Variants in GADL1 observed in about 807,000 individuals in gnomAD.
The protein encoded by GADL1 is acidic amino acid decarboxylase GADL1.
In GADL1, 71 loss-of-function variants were observed where a neutral mutation model predicts 69.5. The ratio of observed to expected loss-of-function variants is 1.02; its 90% confidence interval spans 0.84 to 1.25. GADL1 has a LOEUF of 1.25. Among genes scored for constraint, GADL1 ranks in the 50% most tolerant of loss-of-function variants. The pLI, the probability that GADL1 is intolerant of heterozygous loss-of-function variation, is 0.00. For missense variants in GADL1, 737 were observed against 631.8 expected (o/e 1.17, Z -1.79); for synonymous variants, 254 against 214.4 (o/e 1.18, Z -1.62).
chr3:30,736,220 A>G (rs1041735538), intron 14 of GADL1, among the ~76,000 whole-genome samples: 1 of 152,210 alleles, frequency 6.6e-6, no homozygotes, highest in Middle Eastern at 3.4e-3. Context: ...CATGGCCATA[A>G]GTGTCCCAGT....
At position 30,822,810 on chromosome 3, in the gene GADL1, C is replaced by A. The variant is rs1393747; in HGVS notation, c.1050+11043G>T. 9.4e-3 allele frequency among the ~76,000 whole-genome samples: 1,430 copies of A among 152,102 alleles called. 81 individuals are homozygous for A. The East Asian group carries it at 0.19, about 20-fold the overall frequency. ...CATTCTCCAACTCCTGCTTTTTAAT[C>A]ATTACATAACTAAATAATAGCATAT... On this transcript the variant is annotated intron_variant, in intron 11 of 14. Transcript: ENST00000282538.
At chr3:30,803,098 A>C (rs960922272) in intron 11 of GADL1, among the ~76,000 whole-genome samples, 2 of 152,208 alleles carry the variant, frequency 1.3e-5, no homozygotes, top group South Asian at 4.1e-4. Context: ...TCTCTAGAAT[A>C]ATAAGAAAAA....
At chr3:30,849,418 G>A (rs80205152) in intron 6 of GADL1, among the ~76,000 whole-genome samples, 2,909 of 152,270 alleles carry the variant, frequency 0.019, 85 homozygotes, top group African/African-American at 0.056. Context: ...CAGACAGTAA[G>A]TGACAGAGGC....
chr3:30,775,541 CAG>C (rs1212760001), intron 14 of GADL1, among the ~76,000 whole-genome samples: 1 of 151,730 alleles, frequency 6.6e-6, no homozygotes, highest in Non-Finnish European at 1.5e-5. Flanking sequence ...TTAAGAAACT[CAG>C]AACCAGTGAT....
rs1269369166 is a variant in GADL1, at chr3:30,727,495, T to G, written c.*747A>C. On this transcript the variant is annotated 3_prime_UTR_variant, in exon 15 of 15. Transcript: ENST00000282538. Reference sequence around the variant, plus strand: ...TAACTTTTGAGATAAACATTCAGCCTGCATAAAACATAAATCTCTATGAAG... The same window carrying G: ...TAACTTTTGAGATAAACATTCAGCCGGCATAAAACATAAATCTCTATGAAG... 1.3e-5 allele frequency: 2 copies of G among 151,658 alleles called. No homozygotes were observed. The highest frequency in any genetic ancestry group is 4.8e-5 in the African/African-American group (2 of 41,330). 9.4% of individuals were successfully genotyped at this position (151,658 alleles called of 1,614,324 possible). A position where few individuals can be genotyped will look rare whatever the true frequency, so the allele number is the denominator to read the frequency against.
intron 1 of GADL1, among the ~76,000 whole-genome samples, chr3:30,892,844 C>T (rs1173358207): frequency 1.3e-5 from 2 of 152,090 alleles, no homozygotes; most frequent in Admixed American, 6.5e-5. Flanking sequence ...TCTCAAATAG[C>T]CAAATATTTA....
chr3:30,775,048 C>CGGAG (rs1380894623), intron 14 of GADL1, among the ~76,000 whole-genome samples: 1 of 152,152 alleles, frequency 6.6e-6, no homozygotes, highest in Non-Finnish European at 1.5e-5. Context: ...GAGGATTTTA[C>CGGAG]GGAGGGCGTC....
intron 1 of GADL1, among the ~76,000 whole-genome samples, chr3:30,864,687 C>T (rs946884216): frequency 6.6e-6 from 1 of 151,952 alleles, no homozygotes; most frequent in Non-Finnish European, 1.5e-5. Context: ...CTGTGGTCTC[C>T]TGAGGAAGGA....
At chr3:30,772,843 T>G (rs1057184248) in intron 14 of GADL1, among the ~76,000 whole-genome samples, 1 of 152,108 alleles carries the variant, frequency 6.6e-6, no homozygotes, top group African/African-American at 2.4e-5. Context: ...GCCACTGCAC[T>G]CCAGCCCAGG....
rs1046758504 is a variant in GADL1 at position 30,728,281 on chromosome 3, G to A, written c.1527C>T (p.Phe509=). Residue 509 remains phenylalanine (F), a synonymous_variant, in exon 15 of 15, where the codon TTC becomes TTT. Coordinates refer to ENST00000282538, the MANE Select transcript of GADL1 (RefSeq NM_207359.3). ...SPQVSREDMD[F]LLDEIDLLGK... ...CCAGTAAGTCTATCTCATCCAGGAGGAAGTCCATGTCCTCCCGGCTCACTT... is the reference window on the plus strand; with the variant it reads ...CCAGTAAGTCTATCTCATCCAGGAGAAAGTCCATGTCCTCCCGGCTCACTT... 1.9e-6 allele frequency: 3 copies of A among 1,613,854 alleles called. No individual in the cohort carries two copies. Among genetic ancestry groups the A allele is most frequent in the Non-Finnish European group, 1.7e-6 (2 of 1,179,806 alleles).
chr3:30,831,358 A>T (rs1466945694), intron 11 of GADL1, among the ~76,000 whole-genome samples: 1 of 151,934 alleles, frequency 6.6e-6, no homozygotes, highest in Non-Finnish European at 1.5e-5. Context: ...TTTTCACATG[A>T]TGTTCCTTCC....
In GADL1 at chr3:30,769,098, A is replaced by G. The variant is rs369751612; in HGVS notation, c.1392+9081T>C. ...AACTCAAGTGTGCAAGAAATGTCAC[A>G]GTACTGTACTTTATTTTCTCTAAAT... is the stretch of plus-strand genomic sequence containing the variant. On this transcript the variant is annotated intron_variant, in intron 14 of 14. Coordinates refer to ENST00000282538, the MANE Select transcript of GADL1 (RefSeq NM_207359.3). Among the ~76,000 whole-genome samples, 132 of 152,300 alleles carry G rather than the reference A, an allele frequency of 8.7e-4. 1 individual carries two copies. The South Asian group carries it at 0.026, about 30-fold the overall frequency.
intron 11 of GADL1, 44 bp downstream of exon 11, chr3:30,833,809 C>CT (rs1697828904): frequency 3.5e-6 from 5 of 1,415,450 alleles, no homozygotes; most frequent in African/African-American, 2.8e-5. Context: ...AGCACAGTGG[C>CT]TTAACCCCCT....
intron 11 of GADL1, among the ~76,000 whole-genome samples, chr3:30,803,262 G>T (rs929173017): frequency 6.0e-4 from 91 of 152,202 alleles, no homozygotes; most frequent in African/African-American, 2.0e-3. Context: ...GATCACAGTT[G>T]CCACTGCTGC....
At chr3:30,755,824 C>CT (rs3042992) in intron 14 of GADL1, among the ~76,000 whole-genome samples, 14,419 of 151,664 alleles carry the variant, frequency 0.095, 1,897 homozygotes, top group African/African-American at 0.3. Context: ...GCCAAAGGTA[C>CT]TTTTTTTCCT....
intron 14 of GADL1, among the ~76,000 whole-genome samples, chr3:30,773,974 C>A (rs1422034380): frequency 6.6e-6 from 1 of 152,094 alleles, no homozygotes; most frequent in African/African-American, 2.4e-5. Flanking sequence ...ATATCCAGTA[C>A]CCAATTTCCA....
chr3:30,787,177 C>G (rs745370236), intron 12 of GADL1, among the ~76,000 whole-genome samples: 1 of 151,626 alleles, frequency 6.6e-6, no homozygotes. Flanking sequence ...CGCATGTACC[C>G]CAAAACTTAA....
chr3:30,832,845 T>A (rs1575225908), intron 11 of GADL1, among the ~76,000 whole-genome samples: 1 of 152,042 alleles, frequency 6.6e-6, no homozygotes, highest in Non-Finnish European at 1.5e-5. Context: ...AATAAAACAT[T>A]AAGGAACTGA....
At chr3:30,879,552 C>T (rs1698617731) in intron 1 of GADL1, among the ~76,000 whole-genome samples, 1 of 151,842 alleles carries the variant, frequency 6.6e-6, no homozygotes, top group Admixed American at 6.6e-5. Flanking sequence ...TGTTGCTTAC[C>T]ATATTTCCAT....
Sources: gnomAD v4.1 joint callset for allele counts (sites outside exome capture counted in the v4.1 genomes callset) on GRCh38, gnomAD v4.1.1 for gene constraint, MANE v1.5 for transcripts, NCBI Gene and HGNC (gene_info 2026-07-23, HGNC 2026-07-21) for gene names.